PCDHGA11: variants seen among roughly 807,000 people sequenced by gnomAD.
PCDHGA11 encodes protocadherin gamma subfamily A, 11, also known as protocadherin gamma-A11.
In PCDHGA11, 39 loss-of-function variants were observed where a neutral mutation model predicts 60.4. The ratio of observed to expected loss-of-function variants is 0.65; its 90% CI spans 0.50 to 0.84. The LOEUF (loss-of-function observed/expected upper bound fraction) is 0.84. Ranked by LOEUF, PCDHGA11 falls within the 40% of genes least tolerant of loss-of-function variation. PCDHGA11 has a pLI of 0.00. For missense variants in PCDHGA11, 1,165 were observed against 1,197.7 expected (o/e 0.97, Z 0.40); for synonymous variants, 533 against 510.3 (o/e 1.04, Z -0.60).
chr5:141,457,441 G>A (rs941085406), intron 1 of PCDHGA11, among the ~76,000 whole-genome samples: 1 of 152,134 alleles, frequency 6.6e-6, no homozygotes, highest in African/African-American at 2.4e-5. Flanking sequence ...CCAAGCTGCA[G>A]AAGATCACCA....
At position 141,440,639 on chromosome 5, in the gene PCDHGA11, T is replaced by C. The variant is rs2098191350; in HGVS notation, c.2433+16979T>C. On this transcript the variant is annotated intron_variant, in intron 1 of 3. Coordinates refer to ENST00000398587, the MANE Select transcript of PCDHGA11 (RefSeq NM_018914.3). ...GATCCTGATGTTGAGAGAAATTCCT[T>C]ACAAAATTATCACCTTAGCAGCAAC... 2 of 152,192 alleles carry C rather than the reference T, an allele frequency of 1.3e-5. 1 individual carries two copies. The highest frequency in any genetic ancestry group is 4.8e-5 in the African/African-American group (2 of 41,440). The allele number at this position is 152,192 out of a possible 1,614,324, so 9.4% of individuals were successfully genotyped here.
intron 2 of PCDHGA11, among the ~76,000 whole-genome samples, chr5:141,501,838 G>A (rs888418141): frequency 6.6e-6 from 1 of 152,000 alleles, no homozygotes; most frequent in African/African-American, 2.4e-5. Flanking sequence ...CACCTGTTTG[G>A]CCCTCAACCT....
At chr5:141,497,079 C>T (rs564690352) in intron 2 of PCDHGA11, among the ~76,000 whole-genome samples, 2 of 151,982 alleles carry the variant, frequency 1.3e-5, no homozygotes, top group African/African-American at 4.8e-5. Flanking sequence ...ATCCCAGCGA[C>T]TTAGGAGGCT....
Position 141,485,665 on chromosome 5 carries a change from C to G in PCDHGA11, c.2434-9142C>G. ...AGGCTCAGGATGCAGATGTGGGGAG[C>G]AATTCGATTAGCAGCTATAGGCTGA... On this transcript the variant is annotated intron_variant, in intron 1 of 3. Coordinates refer to ENST00000398587, the MANE Select transcript of PCDHGA11 (RefSeq NM_018914.3). This position sits in a 1 kb window ranked among gnomAD's most constrained non-coding sequence, Gnocchi z 5.7. 1 of 1,612,622 alleles carries G rather than the reference C, an allele frequency of 6.2e-7. No individual in the cohort carries two copies.
chr5:141,482,404 A>C (rs1262544355), intron 1 of PCDHGA11, among the ~76,000 whole-genome samples: 1 of 152,076 alleles, frequency 6.6e-6, no homozygotes, highest in Non-Finnish European at 1.5e-5. Flanking sequence ...GTACTCAATA[A>C]CTATTTGTTG....
At chr5:141,509,169 T>C (rs1321257504) in intron 3 of PCDHGA11, among the ~76,000 whole-genome samples, 2 of 152,174 alleles carry the variant, frequency 1.3e-5, no homozygotes, top group African/African-American at 4.8e-5. Context: ...TGTGCCCTCC[T>C]CCTCTTATGC....
chr5:141,431,554 C>G lies in PCDHGA11; in HGVS notation c.2433+7894C>G. 1 of 1,614,126 alleles carries G rather than the reference C, an allele frequency of 6.2e-7. No homozygotes were observed. The highest frequency in any genetic ancestry group is 1.7e-5 in the Admixed American group (1 of 60,032). ...TGGGCACGCAGCTGCTTGTAGTCAA[C>G]GCTACCGACCCTGACGAAGGAGTCA... is the stretch of plus-strand genomic sequence containing the variant. On this transcript the variant is annotated intron_variant, in intron 1 of 3. Coordinates refer to ENST00000398587, the MANE Select transcript of PCDHGA11 (RefSeq NM_018914.3). This position sits in a 1 kb window ranked among gnomAD's most constrained non-coding sequence, Gnocchi z 4.8.
intron 1 of PCDHGA11, among the ~76,000 whole-genome samples, chr5:141,445,609 T>A (rs900534761): frequency 1.3e-5 from 2 of 152,220 alleles, no homozygotes; most frequent in African/African-American, 4.8e-5. Flanking sequence ...CAAGGAAGGC[T>A]TTCTTTTTTT....
intron 1 of PCDHGA11, among the ~76,000 whole-genome samples, chr5:141,456,276 C>T (rs1319517390): frequency 1.3e-5 from 2 of 152,146 alleles, no homozygotes; most frequent in South Asian, 4.1e-4. Flanking sequence ...CTACTTCCTG[C>T]TGAAAAGGGG....
chr5:141,511,374 CA>C lies in PCDHGA11; in HGVS notation c.*202del. ...CCCCAGGGGGTTGAATATGCAAAAG[CA>C]GTTCCGCTGGGAACCCCCATCCAAT... On this transcript the variant is annotated 3_prime_UTR_variant, in exon 4 of 4. Coordinates refer to ENST00000398587, the MANE Select transcript of PCDHGA11 (RefSeq NM_018914.3). The C allele has an allele frequency of 8.0e-7, 1 of 1,242,392 alleles. No individual in the cohort carries two copies. 77.0% of individuals were successfully genotyped at this position (1,242,392 alleles called of 1,614,324 possible).
chr5:141,434,920 A>C (rs927245955), intron 1 of PCDHGA11, among the ~76,000 whole-genome samples: 1 of 151,796 alleles, frequency 6.6e-6, no homozygotes. Flanking sequence ...ATTTATGTAC[A>C]TATATTTTAT....
At chr5:141,504,660 C>T (rs1002186811) in intron 2 of PCDHGA11, among the ~76,000 whole-genome samples, 8 of 101,980 alleles carry the variant, frequency 7.8e-5, no homozygotes, top group Admixed American at 5.7e-4. Flanking sequence ...TGTTTGAGGG[C>T]GGGGGGTGGG....
intron 1 of PCDHGA11, among the ~76,000 whole-genome samples, chr5:141,436,175 A>G (rs1263518258): frequency 1.3e-5 from 2 of 152,192 alleles, no homozygotes; most frequent in Non-Finnish European, 2.9e-5. Flanking sequence ...CAGTTCTCAT[A>G]TATAGTCAAA....
At position 141,487,741 on chromosome 5, in the gene PCDHGA11, A is replaced by C. The variant is rs773413559; in HGVS notation, c.2434-7066A>C. 1.6e-4 allele frequency: 247 copies of C among 1,561,638 alleles called. 1 individual carries two copies. The highest frequency in any genetic ancestry group is 2.1e-4 in the Non-Finnish European group (244 of 1,151,698). On this transcript the variant is annotated intron_variant, in intron 1 of 3. Coordinates refer to ENST00000398587, the MANE Select transcript of PCDHGA11 (RefSeq NM_018914.3). This position sits in a 1 kb window ranked among gnomAD's most constrained non-coding sequence, Gnocchi z 5.0. ...ATAGTGATGTCACCATTTTTGTAAG[A>C]GGTAACTATGTGGTAGACGCTGTGC... is the stretch of plus-strand genomic sequence containing the variant.
rs377138746 is a variant in PCDHGA11, at chr5:141,432,481, C to A, written c.2433+8821C>A. Reference sequence around the variant, plus strand: ...CCCTCCCCACGGACGGTTCCACTGGCGTGGAGCTGGCTCCCCGCTCCGCAG... The same window carrying A: ...CCCTCCCCACGGACGGTTCCACTGGAGTGGAGCTGGCTCCCCGCTCCGCAG... On this transcript the variant is annotated intron_variant, in intron 1 of 3. Transcript: ENST00000398587. This position sits in a 1 kb window ranked among gnomAD's most constrained non-coding sequence, Gnocchi z 6.0. 6.2e-7 allele frequency: 1 copy of A among 1,614,080 alleles called. No individual in the cohort carries two copies.
rs1403163275 is a variant in PCDHGA11 at position 141,441,708 on chromosome 5, A to T, written c.2433+18048A>T. ...AGAGCAGCCGCGAGCCTTCAAGCTC[A>T]CGCTGCAGGCCCGCGACCAGGACTA... On this transcript the variant is annotated intron_variant, in intron 1 of 3. Coordinates refer to ENST00000398587, the MANE Select transcript of PCDHGA11 (RefSeq NM_018914.3). 2.8e-5 allele frequency: 9 copies of T among 319,492 alleles called. No homozygotes were observed. In the East Asian group the frequency reaches 1.0e-3, roughly 37 times the overall value. 19.8% of individuals were successfully genotyped at this position (319,492 alleles called of 1,614,324 possible).
intron 2 of PCDHGA11, among the ~76,000 whole-genome samples, chr5:141,500,935 C>A (rs1159997919): frequency 1.3e-5 from 2 of 151,694 alleles, no homozygotes; most frequent in Non-Finnish European, 2.9e-5. Flanking sequence ...GTGGCGCCAT[C>A]TCGGCTCACT....
rs1414835001 is a variant in PCDHGA11 at position 141,476,225 on chromosome 5, A to T, written c.2434-18582A>T. 1.2e-6 allele frequency: 2 copies of T among 1,613,882 alleles called. No individual in the cohort carries two copies. Among genetic ancestry groups the T allele is most frequent in the Non-Finnish European group, 1.7e-6 (2 of 1,180,012 alleles). ...GGCTTCCACGGTCATTCACTATGAG[A>T]TCCCGGAGGAAAGAGAGAAGGGTTT... On this transcript the variant is annotated intron_variant, in intron 1 of 3. Transcript: ENST00000398587. This position sits in a 1 kb window ranked among gnomAD's most constrained non-coding sequence, Gnocchi z 7.6.
chr5:141,474,551 C>G (rs1032524620), intron 1 of PCDHGA11, among the ~76,000 whole-genome samples: 35 of 152,312 alleles, frequency 2.3e-4, no homozygotes, highest in Non-Finnish European at 3.5e-4. Flanking sequence ...GCATTTAAAA[C>G]TGGGGGTTTT....
Sources: gnomAD v4.1 joint callset for allele counts (sites outside exome capture counted in the v4.1 genomes callset) on GRCh38, gnomAD v4.1.1 for gene constraint, Gnocchi (gnomAD v3.1) non-coding constraint, MANE v1.5 for transcripts, NCBI Gene and HGNC (gene_info 2026-07-23, HGNC 2026-07-21) for gene names.